The following KLC2 variants were observed in gnomAD, a reference collection of about 807,000 sequenced individuals.
KLC2 encodes the protein kinesin light chain 2.
Under a neutral mutation model 75.1 loss-of-function variants are expected in KLC2, and 35 were observed. The ratio of observed to expected loss-of-function variants is 0.47; its 90% CI spans 0.36 to 0.62. The LOEUF is 0.62. KLC2 is among the 20% of genes least tolerant of loss of function. The pLI, the probability that KLC2 is intolerant of heterozygous loss-of-function variation, is 0.00. For missense variants in KLC2, 611 were observed against 833.2 expected, an observed-to-expected ratio of 0.73 and a Z score of 3.28; for synonymous variants, 314 against 336.7, an observed-to-expected ratio of 0.93 and a Z score of 0.74.
chr11:66,257,122 C>CG (rs1347948163), upstream of KLC2, among the ~76,000 whole-genome samples: 1 of 152,184 alleles, frequency 6.6e-6, no homozygotes, highest in Non-Finnish European at 1.5e-5. Flanking sequence ...GAAGGCACTT[C>CG]GGGGTCTATC....
chr11:66,266,084 C>CACCT lies in KLC2; in HGVS notation c.1603-8_1603-5dup. On this transcript the variant is annotated splice_polypyrimidine_tract_variant and intron_variant, in intron 13 of 15. Coordinates refer to ENST00000394067, the MANE Select transcript of KLC2 (RefSeq NM_001318734.2). ...AGCGGGGCCTAGAGGCAAGCCTGTC[C>CACCT]ACCTGCAGGATGGCAGTGGCTCCTT... is the stretch of plus-strand genomic sequence containing the variant. 1 of 1,614,062 alleles carries CACCT rather than the reference C, an allele frequency of 6.2e-7. No homozygotes were observed. The highest frequency in any genetic ancestry group is 8.5e-7 in the Non-Finnish European group (1 of 1,179,940).
the KLC2 span, among the ~76,000 whole-genome samples, chr11:66,250,144 C>T: frequency 6.6e-6 from 1 of 152,110 alleles, no homozygotes; most frequent in Non-Finnish European, 1.5e-5. Context: ...TCACCTCCTC[C>T]AAGAGCCTTC....
chr11:66,263,131 C>A, intron 5 of KLC2, 95 bp downstream of exon 5: 1 of 861,972 alleles, frequency 1.2e-6, no homozygotes, highest in East Asian at 2.6e-5. Context: ...ACTCGTGGCC[C>A]ACCTGCGTGG....
the KLC2 span, among the ~76,000 whole-genome samples, chr11:66,247,003 A>G: frequency 1.2e-4 from 19 of 152,174 alleles, 1 homozygote; most frequent in Admixed American, 9.2e-4. Flanking sequence ...ACTCAGCCCT[A>G]AAGGGAGCTC....
In KLC2 at chr11:66,265,246, C is replaced by A; in HGVS notation, c.1334+11C>A. On this transcript the variant is annotated intron_variant, in intron 11 of 15. Coordinates refer to ENST00000394067, the MANE Select transcript of KLC2 (RefSeq NM_001318734.2). ...CTGTAAAGTAGACAGGTGAGTGGGGCGGGGCTGGGCTGGGGAGCAGGGCAC... is the reference window on the plus strand; with the variant it reads ...CTGTAAAGTAGACAGGTGAGTGGGGAGGGGCTGGGCTGGGGAGCAGGGCAC... 7 of 702,972 alleles carry A rather than the reference C, an allele frequency of 1.0e-5. No individual in the cohort carries two copies. Among genetic ancestry groups the A allele is most frequent in the African/African-American group, 1.8e-5 (1 of 54,408 alleles). 43.5% of individuals were successfully genotyped at this position (702,972 alleles called of 1,614,324 possible).
rs973250323 is a variant in KLC2, at chr11:66,267,777, G to T, written c.*821G>T. 4.4e-6 allele frequency: 2 copies of T among 457,616 alleles called. No homozygotes were observed. The highest frequency in any genetic ancestry group is 8.1e-5 in the Admixed American group (2 of 24,582). 28.3% of individuals were successfully genotyped at this position (457,616 alleles called of 1,614,324 possible). ...GGGCGGCGACGGTCCCCTGGTGGCAGGAGGGGCTCCCCCTGTTGCGGGTGA... is the reference window on the plus strand; with the variant it reads ...GGGCGGCGACGGTCCCCTGGTGGCATGAGGGGCTCCCCCTGTTGCGGGTGA... On this transcript the variant is annotated 3_prime_UTR_variant, in exon 16 of 16. Transcript: ENST00000394067.
At chr11:66,248,427 C>T in the KLC2 span, among the ~76,000 whole-genome samples, 4 of 152,202 alleles carry the variant, frequency 2.6e-5, no homozygotes, top group Non-Finnish European at 5.9e-5. Flanking sequence ...CAAGACCAGC[C>T]TAGCCAATGT....
upstream of KLC2, among the ~76,000 whole-genome samples, chr11:66,255,621 C>T (rs574331169): frequency 6.6e-6 from 1 of 152,334 alleles, no homozygotes; most frequent in East Asian, 1.9e-4. Flanking sequence ...AGGATAAACA[C>T]AAGCTCAGCA....
At chr11:66,257,217 C>T (rs1320315898), upstream of KLC2, 1 of 152,160 alleles carries the variant, frequency 6.6e-6, no homozygotes, top group Non-Finnish European at 1.5e-5. Flanking sequence ...GAGCTAAGGG[C>T]GCTGAACCAC....
Position 66,266,137 on chromosome 11 carries a change from C to G in KLC2, c.1647C>G (p.Leu549=). 2 of 1,613,918 alleles carry G rather than the reference C, an allele frequency of 1.2e-6. No individual in the cohort carries two copies. Among genetic ancestry groups the G allele is most frequent in the Non-Finnish European group, 1.7e-6 (2 of 1,179,950 alleles). Residue 549 remains leucine, a synonymous_variant, in exon 14 of 16, where the codon CTC becomes CTG. Transcript: ENST00000394067. ...GGCGCAGCGGTTCCTTTGGGAAACTCCGGGATGCCCTGAGGCGCAGCAGTG... is the reference window on the plus strand; with the variant it reads ...GGCGCAGCGGTTCCTTTGGGAAACTGCGGGATGCCCTGAGGCGCAGCAGTG... ...SLRRSGSFGK[L]RDALRRSSEM... is the part of the protein sequence containing the mutation.
the KLC2 span, among the ~76,000 whole-genome samples, chr11:66,248,678 T>C: frequency 6.6e-6 from 1 of 152,144 alleles, no homozygotes; most frequent in Admixed American, 6.5e-5. Context: ...ATGTCCTTTC[T>C]CCATTTCAGA....
the KLC2 span, chr11:66,246,193 T>C: frequency 0.19 from 28,878 of 152,530 alleles, 2,860 homozygotes; most frequent in East Asian, 0.27. Flanking sequence ...GACCTGGATC[T>C]AGGGTGTGAG....
chr11:66,265,181 A>G lies in KLC2; in HGVS notation c.1280A>G (p.Asp427Gly). ...TCTTTCCTCCAGGATAAGCGCCGGGACAGCGCCCCCTATGGGGAATACGGC... is the reference window on the plus strand; with the variant it reads ...TCTTTCCTCCAGGATAAGCGCCGGGGCAGCGCCCCCTATGGGGAATACGGC... ...EREESKDKRR[D>G]SAPYGEYGSW... is the part of the protein sequence containing the mutation. Residue 427 changes from aspartate (D) to glycine (G), a missense_variant, in exon 11 of 16, where the codon GAC (aspartate) becomes GGC (glycine). Coordinates refer to ENST00000394067, the MANE Select transcript of KLC2 (RefSeq NM_001318734.2). 2.5e-6 allele frequency: 4 copies of G among 1,604,386 alleles called. No individual in the cohort carries two copies. The highest frequency in any genetic ancestry group is 3.4e-6 in the Non-Finnish European group (4 of 1,172,870).
Position 66,264,328 on chromosome 11 carries a change from G to A in KLC2, c.1117-17G>A. 1 of 1,604,574 alleles carries A rather than the reference G, an allele frequency of 6.2e-7. No homozygotes were observed. The highest frequency in any genetic ancestry group is 8.5e-7 in the Non-Finnish European group (1 of 1,174,316). On this transcript the variant is annotated splice_polypyrimidine_tract_variant and intron_variant, in intron 8 of 15. Transcript: ENST00000394067. Reference sequence around the variant, plus strand: ...GCTGCATGCATCCCGCTCACTCTCTGGGTCTCCCGCTTCCAGGCTTCCTGC... The same window carrying A: ...GCTGCATGCATCCCGCTCACTCTCTAGGTCTCCCGCTTCCAGGCTTCCTGC...
chr11:66,259,661 C>G (rs1856249909), intron 2 of KLC2: 1 of 152,212 alleles, frequency 6.6e-6, no homozygotes, highest in Non-Finnish European at 1.5e-5. Flanking sequence ...TCTAAAAACT[C>G]TCTCTGGCTG....
In KLC2 at chr11:66,261,925, C is replaced by A; in HGVS notation, c.412C>A (p.Leu138Met). ...GCTCGAGGAGGAGAAGCAGCACTTGCTGTTCATGAGCCAGATCCGCAAGTT... is the reference window on the plus strand; with the variant it reads ...GCTCGAGGAGGAGAAGCAGCACTTGATGTTCATGAGCCAGATCCGCAAGTT... ...AQLEEEKQHL[L>M]FMSQIRKLDE... Residue 138 changes from leucine to methionine, a missense_variant, in exon 3 of 16, where the codon CTG becomes ATG. Transcript: ENST00000394067. The A allele has an allele frequency of 6.2e-7, 1 of 1,614,216 alleles. No homozygotes were observed. The highest frequency in any genetic ancestry group is 8.5e-7 in the Non-Finnish European group (1 of 1,180,022).
In KLC2 at chr11:66,266,103, G is replaced by C. The variant is rs1047182515; in HGVS notation, c.1613G>C (p.Gly538Ala). Reference sequence around the variant, plus strand: ...CCTGTCCACCTGCAGGATGGCAGTGGCTCCTTGAGGCGCAGCGGTTCCTTT... The same window carrying C: ...CCTGTCCACCTGCAGGATGGCAGTGCCTCCTTGAGGCGCAGCGGTTCCTTT... The part of the protein sequence containing the change: ...PTAEWNGDGS[G>A]SLRRSGSFGK... Residue 538 changes from glycine (G) to alanine (A), a missense_variant, in exon 14 of 16, where the codon GGC (glycine) becomes GCC (alanine). By Grantham distance (60) the Gly-to-Ala change is moderately conservative. Transcript: ENST00000394067. 1.2e-6 allele frequency: 2 copies of C among 1,614,088 alleles called. No homozygotes were observed. The highest frequency in any genetic ancestry group is 3.3e-5 in the Admixed American group (2 of 60,024).
At chr11:66,258,562 G>A in intron 1 of KLC2, 22 bp from the exon 2 acceptor site, 1 of 1,559,924 alleles carries the variant, frequency 6.4e-7, no homozygotes, top group Non-Finnish European at 8.8e-7. Context: ...GCGCCCGCCT[G>A]CCCGCACCCT....
upstream of KLC2, among the ~76,000 whole-genome samples, chr11:66,253,564 C>T (rs911194662): frequency 6.6e-6 from 1 of 152,226 alleles, no homozygotes; most frequent in Admixed American, 6.5e-5. Context: ...GCATGGATTT[C>T]TTCCTTTATT....
Sources: gnomAD v4.1 joint callset for allele counts (sites outside exome capture counted in the v4.1 genomes callset) on GRCh38, gnomAD v4.1.1 for gene constraint, MANE v1.5 for transcripts, NCBI Gene and HGNC (gene_info 2026-07-23, HGNC 2026-07-21) for gene names.